LRFN5: variants seen among roughly 807,000 people sequenced by gnomAD.
LRFN5 encodes leucine-rich repeat and fibronectin type-III domain-containing protein 5.
LRFN5 carries 24 observed loss-of-function variants against 45.6 expected under a neutral mutation model. The ratio of observed to expected loss-of-function variants is 0.53; its 90% CI spans 0.38 to 0.74. The LOEUF (loss-of-function observed/expected upper bound fraction) is 0.74. Ranked by LOEUF, LRFN5 falls within the 30% of genes least tolerant of loss-of-function variation. LRFN5 has a pLI of 0.00. For synonymous variants in LRFN5, 340 were observed against 313.8 expected (o/e 1.08, Z -0.88); for missense variants, 776 against 861.5 (o/e 0.90, Z 1.24).
intron 1 of LRFN5, among the ~76,000 whole-genome samples, chr14:41,669,749 G>A (rs905843693): frequency 1.3e-5 from 2 of 151,520 alleles, no homozygotes; most frequent in South Asian, 4.1e-4. Context: ...AAAATAATAT[G>A]GGCACAGAAA....
chr14:41,746,790 T>A (rs79929705), intron 1 of LRFN5, among the ~76,000 whole-genome samples: 2,480 of 152,126 alleles, frequency 0.016, 28 homozygotes, highest in Non-Finnish European at 0.026. Flanking sequence ...TATGATCTTT[T>A]AAGTAGAAAA....
At chr14:41,759,308 C>T (rs924748521) in intron 1 of LRFN5, among the ~76,000 whole-genome samples, 2 of 152,094 alleles carry the variant, frequency 1.3e-5, no homozygotes, top group Non-Finnish European at 2.9e-5. Context: ...ATTTCAAAAT[C>T]TCTCTTAACT....
chr14:41,608,785 A>C (rs918591943), intron 1 of LRFN5, among the ~76,000 whole-genome samples: 2 of 152,200 alleles, frequency 1.3e-5, no homozygotes, highest in Non-Finnish European at 2.9e-5. Flanking sequence ...CTTTGAGAAT[A>C]TGGATGTGCT....
chr14:41,739,599 C>T (rs746176083), intron 1 of LRFN5, among the ~76,000 whole-genome samples: 7 of 151,010 alleles, frequency 4.6e-5, no homozygotes, highest in Non-Finnish European at 1.0e-4. Flanking sequence ...ACAATAAACA[C>T]CTACATCAAA....
intron 2 of LRFN5, among the ~76,000 whole-genome samples, chr14:41,815,113 T>C (rs1285903370): frequency 6.6e-6 from 1 of 152,188 alleles, no homozygotes; most frequent in African/African-American, 2.4e-5. Flanking sequence ...GCCTTCTGGA[T>C]CTGTTTATTT....
intron 1 of LRFN5, among the ~76,000 whole-genome samples, chr14:41,745,514 G>A (rs775451503): frequency 1.3e-5 from 2 of 151,308 alleles, no homozygotes; most frequent in Non-Finnish European, 3.0e-5. Flanking sequence ...CATAGCAGAG[G>A]GAAATAAATA....
chr14:41,892,098 T>C, intron 4 of LRFN5, 136 bp downstream of exon 4: 1 of 1,448,378 alleles, frequency 6.9e-7, no homozygotes, highest in African/African-American at 1.4e-5. Flanking sequence ...AGCATGTCTA[T>C]GAATGTGATG....
chr14:41,660,128 G>T (rs1880577035), intron 1 of LRFN5, among the ~76,000 whole-genome samples: 2 of 151,906 alleles, frequency 1.3e-5, no homozygotes, highest in African/African-American at 4.8e-5. Flanking sequence ...TGGGTTCAAA[G>T]GATTCTTCTG....
At chr14:41,792,656 T>G (rs1594713690) in intron 2 of LRFN5, among the ~76,000 whole-genome samples, 2 of 152,020 alleles carry the variant, frequency 1.3e-5, no homozygotes, top group South Asian at 4.1e-4. Flanking sequence ...TCTTTTTGCC[T>G]GACCCCGCAG....
rs551306803 is a variant in LRFN5, at chr14:41,683,210, GA to G, written c.-197+74654del. On this transcript the variant is annotated intron_variant, in intron 1 of 5. Transcript: ENST00000298119. The stretch of plus-strand genomic sequence containing the variant: ...GATACATCGTATCAATAGAATGAAG[GA>G]AAAAATCCATATGATCATTTCAATT... Among the ~76,000 whole-genome samples, 11 of 152,176 alleles carry G rather than the reference GA, an allele frequency of 7.2e-5. No homozygotes were observed. In the East Asian group the frequency reaches 1.5e-3, roughly 21 times the overall value.
intron 1 of LRFN5, among the ~76,000 whole-genome samples, chr14:41,753,165 G>A (rs1399030940): frequency 1.5e-4 from 23 of 151,378 alleles, no homozygotes; most frequent in Admixed American, 1.5e-3. Context: ...TTTGGTTACT[G>A]TAGCCTTGTA....
chr14:41,842,693 T>C (rs1252122230), intron 2 of LRFN5, among the ~76,000 whole-genome samples: 1 of 152,192 alleles, frequency 6.6e-6, no homozygotes, highest in Non-Finnish European at 1.5e-5. Flanking sequence ...TGAAGGCTTT[T>C]CTTCAGTGGA....
At chr14:41,894,460 T>C in intron 4 of LRFN5, 1 of 955,400 alleles carries the variant, frequency 1.0e-6, no homozygotes, top group Non-Finnish European at 1.2e-6. Flanking sequence ...ACCAAATGCT[T>C]GAACACTTGT....
intron 1 of LRFN5, among the ~76,000 whole-genome samples, chr14:41,683,338 T>A (rs1881985790): frequency 6.6e-6 from 1 of 152,140 alleles, no homozygotes; most frequent in South Asian, 2.1e-4. Flanking sequence ...AAAAGCTGGG[T>A]ATGGCAGAGC....
intron 2 of LRFN5, among the ~76,000 whole-genome samples, chr14:41,807,470 A>G (rs567927122): frequency 1.3e-5 from 2 of 152,268 alleles, no homozygotes; most frequent in East Asian, 3.9e-4. Flanking sequence ...TATCTTAGCC[A>G]TTTGAGGAAT....
At chr14:41,762,381 T>G (rs554719744) in intron 1 of LRFN5, among the ~76,000 whole-genome samples, 10 of 152,274 alleles carry the variant, frequency 6.6e-5, no homozygotes, top group African/African-American at 2.4e-4. Context: ...TGTATTAATT[T>G]ATTTGTCATA....
chr14:41,651,324 T>C (rs1880115229), intron 1 of LRFN5, among the ~76,000 whole-genome samples: 1 of 151,874 alleles, frequency 6.6e-6, no homozygotes, highest in Admixed American at 6.6e-5. Context: ...AACTCTGGAG[T>C]TTTCTGTTAC....
chr14:41,719,386 C>T (rs1330287587), intron 1 of LRFN5, among the ~76,000 whole-genome samples: 1 of 151,848 alleles, frequency 6.6e-6, no homozygotes, highest in Non-Finnish European at 1.5e-5. Context: ...ATGACTACTG[C>T]ATCCTTTTAT....
chr14:41,613,065 T>G (rs908482894), intron 1 of LRFN5, among the ~76,000 whole-genome samples: 3 of 152,104 alleles, frequency 2.0e-5, no homozygotes, highest in Admixed American at 6.5e-5. Context: ...AATTACATGG[T>G]TATATAACTC....
Sources: gnomAD v4.1 joint callset for allele counts (sites outside exome capture counted in the v4.1 genomes callset) on GRCh38, gnomAD v4.1.1 for gene constraint, MANE v1.5 for transcripts, NCBI Gene and HGNC (gene_info 2026-07-23, HGNC 2026-07-21) for gene names.